The following GMPR variants were observed in gnomAD, a reference collection of about 807,000 sequenced individuals.
GMPR encodes the protein guanosine monophosphate reductase.
GMPR carries 31 observed loss-of-function variants against 38.4 expected under a neutral mutation model. That is an observed-to-expected ratio of 0.81 (90% CI 0.61 to 1.09). The LOEUF is 1.09. GMPR is among the 50% of genes least tolerant of loss of function. The pLI is 0.00. For synonymous variants in GMPR, 162 were observed against 173.3 expected (o/e 0.93, Z 0.51); for missense variants, 468 against 453.7 (o/e 1.03, Z -0.29).
rs563735024 is a variant in GMPR, at chr6:16,262,268, T to A, written c.465+7533T>A. The A allele has an allele frequency of 5.3e-4, 80 of 151,926 alleles. 2 individuals carry two copies. Among genetic ancestry groups the A allele is most frequent in the African/African-American group, 1.8e-3 (73 of 41,486 alleles). 9.4% of individuals were successfully genotyped at this position (151,926 alleles called of 1,614,324 possible). ...TCGGGCAGCATCAGTCTTCAGCCGC[T>A]AAGCCAAGAAGATGTGGGAAGCAGT... is the stretch of plus-strand genomic sequence containing the variant. On this transcript the variant is annotated intron_variant, in intron 4 of 8. Transcript: ENST00000259727.
intron 4 of GMPR, 33 bp downstream of exon 4, chr6:16,254,768 C>G: frequency 6.5e-7 from 1 of 1,528,230 alleles, no homozygotes; most frequent in South Asian, 1.1e-5. Context: ...GTAGAACATT[C>G]TCAAGATGGG....
At chr6:16,245,512 A>G (rs1447036199) in intron 1 of GMPR, among the ~76,000 whole-genome samples, 2 of 152,218 alleles carry the variant, frequency 1.3e-5, no homozygotes. Flanking sequence ...AGCCAGGGTT[A>G]ATGTAGGTCT....
chr6:16,244,176 A>G (rs1444517367), intron 1 of GMPR, among the ~76,000 whole-genome samples: 1 of 129,384 alleles, frequency 7.7e-6, no homozygotes, highest in Admixed American at 7.7e-5. Context: ...ACATTGAATT[A>G]TTTAGGAATG....
chr6:16,266,837 G>A (rs1030462902), intron 4 of GMPR, among the ~76,000 whole-genome samples: 5 of 151,188 alleles, frequency 3.3e-5, no homozygotes, highest in Non-Finnish European at 7.4e-5. Flanking sequence ...TGTGAAGGTC[G>A]TGGCTTCACT....
intron 6 of GMPR, among the ~76,000 whole-genome samples, chr6:16,285,070 T>C (rs1286794473): frequency 1.4e-5 from 2 of 145,340 alleles, no homozygotes; most frequent in Admixed American, 6.8e-5. Flanking sequence ...AAAATTCAGC[T>C]AGCTCTGCAT....
intron 1 of GMPR, 52 bp downstream of exon 1, chr6:16,238,832 C>A: frequency 2.8e-6 from 3 of 1,054,410 alleles, no homozygotes; most frequent in Non-Finnish European, 2.7e-6. Flanking sequence ...TTCCGGGTGG[C>A]GCGGGGCAAG....
chr6:16,271,803 C>A (rs866964392), intron 4 of GMPR, among the ~76,000 whole-genome samples: 6 of 152,308 alleles, frequency 3.9e-5, no homozygotes, highest in Admixed American at 1.3e-4. Context: ...CATCTGTTAG[C>A]ATTTTGGTGT....
intron 4 of GMPR, among the ~76,000 whole-genome samples, chr6:16,274,201 AATC>A (rs1482914838): frequency 4.6e-5 from 7 of 152,132 alleles, no homozygotes; most frequent in African/African-American, 1.7e-4. Flanking sequence ...CTAGTTCTTA[AATC>A]ATATAATGCT....
At position 16,247,042 on chromosome 6, in the gene GMPR, A is replaced by G. The variant is rs148924653; in HGVS notation, c.207+81A>G. The G allele has an allele frequency of 9.8e-4, 1,308 of 1,332,710 alleles. 38 individuals are homozygous for G. The East Asian group carries it at 0.03, about 31-fold the overall frequency. The allele number at this position is 1,332,710 out of a possible 1,614,324, so 82.6% of individuals were successfully genotyped here. A position where few individuals can be genotyped will look rare whatever the true frequency, so the allele number is the denominator to read the frequency against. On this transcript the variant is annotated intron_variant, in intron 2 of 8. Coordinates refer to ENST00000259727, the MANE Select transcript of GMPR (RefSeq NM_006877.4). ...TCAGGAGCCGACCCTGGCTTTATTC[A>G]GACACAAGGAAGAGTAGAAATGTGA...
At chr6:16,259,277 C>T (rs1193869824) in intron 4 of GMPR, 4 of 151,910 alleles carry the variant, frequency 2.6e-5, no homozygotes, top group Non-Finnish European at 5.9e-5. Flanking sequence ...AGGAATTTCA[C>T]AAGGCAATGT....
At chr6:16,262,012 A>G (rs1285230057) in intron 4 of GMPR, among the ~76,000 whole-genome samples, 2 of 151,824 alleles carry the variant, frequency 1.3e-5, no homozygotes, top group Non-Finnish European at 2.9e-5. Flanking sequence ...GAGTGGTTAA[A>G]AGAGTAACGT....
At chr6:16,272,467 T>G (rs999127726) in intron 4 of GMPR, among the ~76,000 whole-genome samples, 1 of 152,346 alleles carries the variant, frequency 6.6e-6, no homozygotes, top group African/African-American at 2.4e-5. Context: ...CATACTACAA[T>G]AAATTTTCCC....
At chr6:16,266,992 A>T (rs1190033194) in intron 4 of GMPR, among the ~76,000 whole-genome samples, 1 of 151,198 alleles carries the variant, frequency 6.6e-6, no homozygotes, top group Non-Finnish European at 1.5e-5. Context: ...GGAGGAACGA[A>T]CAACTCTGGG....
At chr6:16,260,215 G>A (rs1340562358) in intron 4 of GMPR, among the ~76,000 whole-genome samples, 3 of 152,058 alleles carry the variant, frequency 2.0e-5, no homozygotes, top group South Asian at 2.1e-4. Flanking sequence ...CCTTTAGTCC[G>A]TTCTACTTTT....
At chr6:16,239,463 A>G (rs1380232602) in intron 1 of GMPR, among the ~76,000 whole-genome samples, 5 of 152,212 alleles carry the variant, frequency 3.3e-5, no homozygotes, top group African/African-American at 1.2e-4. Context: ...ATCCTAAGGA[A>G]CAGGTGGAGA....
At chr6:16,239,116 CTG>C (rs1758595181) in intron 1 of GMPR, among the ~76,000 whole-genome samples, 1 of 152,162 alleles carries the variant, frequency 6.6e-6, no homozygotes, top group African/African-American at 2.4e-5. Context: ...GAAAAGGAAA[CTG>C]GAGCTAGGGG....
In GMPR at chr6:16,288,207, C is replaced by G. The variant is rs926620004; in HGVS notation, c.698-2255C>G. ...TGCACTCTGGGAGCCCCTTTCTGAG[C>G]TGGCCAAGGCCGGAGCCGGCTCCCT... On this transcript the variant is annotated intron_variant, in intron 7 of 8. Coordinates refer to ENST00000259727, the MANE Select transcript of GMPR (RefSeq NM_006877.4). Among the ~76,000 whole-genome samples, 11 of 152,380 alleles carry G rather than the reference C, an allele frequency of 7.2e-5. No individual in the cohort carries two copies. The East Asian group carries it at 9.6e-4, about 13-fold the overall frequency.
intron 4 of GMPR, among the ~76,000 whole-genome samples, chr6:16,273,405 G>T (rs2113692971): frequency 6.6e-6 from 1 of 152,326 alleles, no homozygotes; most frequent in Non-Finnish European, 1.5e-5. Flanking sequence ...AGGGCAGTGA[G>T]TTGTAATAAA....
intron 4 of GMPR, among the ~76,000 whole-genome samples, chr6:16,266,141 AAGAGCTGTAACACTTGCCAT>A: frequency 7.9e-6 from 1 of 127,276 alleles, no homozygotes; most frequent in African/African-American, 4.1e-5. Context: ...TGCCATCTTT[AAGAGCTGTAACACTTGCCAT>A]CTTTAAGAGC....
Sources: allele counts gnomAD v4.1 joint callset (sites outside exome capture counted in the v4.1 genomes callset), GRCh38; gene constraint gnomAD v4.1.1; transcripts MANE v1.5; gene names NCBI Gene and HGNC (gene_info 2026-07-23, HGNC 2026-07-21).